Variants in LAPTM4B observed in about 807,000 individuals in gnomAD.
The protein encoded by LAPTM4B is lysosomal protein transmembrane 4 beta.
Under a neutral mutation model 28.5 loss-of-function variants are expected in LAPTM4B, and 26 were observed. That is an observed-to-expected ratio of 0.91 (90% confidence interval 0.67 to 1.27). The LOEUF (loss-of-function observed/expected upper bound fraction) is 1.27, where lower values mean the gene tolerates loss of function less well. Among genes scored for constraint, LAPTM4B ranks in the 50% most tolerant of loss-of-function variants. LAPTM4B has a pLI of 0.00. For synonymous variants in LAPTM4B, 109 were observed against 106.4 expected (o/e 1.02, Z -0.15); for missense variants, 288 against 285.8 (o/e 1.01, Z -0.06).
chr8:97,823,768 G>A (rs1326117002), intron 5 of LAPTM4B, among the ~76,000 whole-genome samples: 1 of 150,262 alleles, frequency 6.7e-6, no homozygotes, highest in East Asian at 1.9e-4. Flanking sequence ...CACGATCTTG[G>A]CTCACTGCAA....
chr8:97,788,352 GA>G (rs1358583626), intron 1 of LAPTM4B: 1 of 328,864 alleles, frequency 3.0e-6, no homozygotes, highest in Non-Finnish European at 6.1e-6. Context: ...AGTCTTGTGA[GA>G]AGACATGGCA....
intron 4 of LAPTM4B, 82 bp downstream of exon 4, chr8:97,816,262 C>A: frequency 7.7e-7 from 1 of 1,295,730 alleles, no homozygotes; most frequent in Non-Finnish European, 1.0e-6. Flanking sequence ...TAGAGATACA[C>A]AGACATTAAT....
At chr8:97,829,162 T>C (rs1388959324) in intron 6 of LAPTM4B, among the ~76,000 whole-genome samples, 1 of 152,078 alleles carries the variant, frequency 6.6e-6, no homozygotes, top group Non-Finnish European at 1.5e-5. Context: ...TAGCGGGGTT[T>C]GGTAGGGGAG....
chr8:97,840,259 G>A (rs544689238), intron 6 of LAPTM4B, among the ~76,000 whole-genome samples: 1 of 152,248 alleles, frequency 6.6e-6, no homozygotes, highest in East Asian at 1.9e-4. Context: ...CCACTGTATT[G>A]GTATTTTATA....
chr8:97,800,995 C>T (rs746194216), intron 1 of LAPTM4B, among the ~76,000 whole-genome samples: 1 of 152,044 alleles, frequency 6.6e-6, no homozygotes, highest in African/African-American at 2.4e-5. Context: ...CTACGGGACC[C>T]CAGACTCACA....
Position 97,775,948 on chromosome 8 carries a change from A to C in LAPTM4B, c.-62A>C. 6.7e-7 allele frequency: 1 copy of C among 1,498,986 alleles called. No individual in the cohort carries two copies. Among genetic ancestry groups the C allele is most frequent in the Non-Finnish European group, 8.8e-7 (1 of 1,133,762 alleles). The allele number at this position is 1,498,986 out of a possible 1,614,324, so 92.9% of individuals were successfully genotyped here. ...CGGCAGCAGCGGCGCGGCGGGCTCC[A>C]GGCGAGGCGGTCGACGCTCCTGAAA... On this transcript the variant is annotated 5_prime_UTR_variant, in exon 1 of 7. Transcript: ENST00000521545.
Position 97,776,000 on chromosome 8 carries a change from G to A in LAPTM4B, c.-10G>A, listed in dbSNP as rs776766688. 1.3e-6 allele frequency: 2 copies of A among 1,571,024 alleles called. No individual in the cohort carries two copies. The highest frequency in any genetic ancestry group is 1.4e-5 in the African/African-American group (1 of 70,802). ...CTTGCGCGCGCGCTCGCGCCACTGCGCCCGGAGCGATGAAGATGGTCGCGC... is the reference window on the plus strand; with the variant it reads ...CTTGCGCGCGCGCTCGCGCCACTGCACCCGGAGCGATGAAGATGGTCGCGC... On this transcript the variant is annotated 5_prime_UTR_variant, in exon 1 of 7. Coordinates refer to ENST00000521545, the MANE Select transcript of LAPTM4B (RefSeq NM_018407.6).
Position 97,818,870 on chromosome 8 carries a change from GA to G in LAPTM4B, c.409-254del, listed in dbSNP as rs58053654. ...CAGAGAGAAACTCCATCTCAAAAAAGAAAAAAAAAAAAAAAAGGAATGGTTC... is the reference window on the plus strand; with the variant it reads ...CAGAGAGAAACTCCATCTCAAAAAAGAAAAAAAAAAAAAAAGGAATGGTTC... On this transcript the variant is annotated intron_variant, in intron 4 of 6. Coordinates refer to ENST00000521545, the MANE Select transcript of LAPTM4B (RefSeq NM_018407.6). Among the ~76,000 whole-genome samples the G allele has an allele frequency of 8.4e-3, 987 of 117,988 alleles. 7 individuals are homozygous for G. The highest frequency in any genetic ancestry group is 0.026 in the African/African-American group (849 of 32,496). 77.4% of individuals were successfully genotyped at this position (117,988 alleles called of 152,430 possible).
intron 1 of LAPTM4B, among the ~76,000 whole-genome samples, chr8:97,792,013 A>G (rs1328220076): frequency 6.6e-6 from 1 of 152,138 alleles, no homozygotes; most frequent in African/African-American, 2.4e-5. Flanking sequence ...ATTTGGGGGG[A>G]AAAACTTCCA....
At chr8:97,819,847 G>A (rs117653171) in intron 5 of LAPTM4B, among the ~76,000 whole-genome samples, 1 of 144,668 alleles carries the variant, frequency 6.9e-6, no homozygotes, top group Admixed American at 7.5e-5. Context: ...CCATTATCTT[G>A]CCTCAGCCTC....
intron 1 of LAPTM4B, among the ~76,000 whole-genome samples, chr8:97,800,170 A>G (rs1238822704): frequency 6.6e-6 from 1 of 152,166 alleles, no homozygotes; most frequent in East Asian, 1.9e-4. Flanking sequence ...GTTGTAGGCA[A>G]TTAGTAGCTA....
At chr8:97,819,723 T>C (rs1816973063) in intron 5 of LAPTM4B, among the ~76,000 whole-genome samples, 2 of 130,560 alleles carry the variant, frequency 1.5e-5, no homozygotes, top group South Asian at 4.8e-4. Flanking sequence ...TCAAGATAAA[T>C]TTCCTTTTTT....
intron 1 of LAPTM4B, among the ~76,000 whole-genome samples, chr8:97,794,027 T>C (rs1816544682): frequency 6.6e-6 from 1 of 152,208 alleles, no homozygotes; most frequent in African/African-American, 2.4e-5. Flanking sequence ...TTGCCCAGGC[T>C]GGAATGCAAT....
chr8:97,780,012 C>G (rs1473669519), intron 1 of LAPTM4B, among the ~76,000 whole-genome samples: 2 of 141,596 alleles, frequency 1.4e-5, no homozygotes, highest in Non-Finnish European at 3.0e-5. Context: ...GATCACGCCA[C>G]TGCACTCCAG....
intron 6 of LAPTM4B, among the ~76,000 whole-genome samples, chr8:97,850,267 C>T (rs546638952): frequency 1.3e-5 from 2 of 152,032 alleles, no homozygotes; most frequent in South Asian, 4.1e-4. Context: ...GTGCCCTCTG[C>T]CTAGGCAGCT....
intron 6 of LAPTM4B, among the ~76,000 whole-genome samples, chr8:97,849,154 C>T (rs1817478695): frequency 1.3e-5 from 2 of 152,296 alleles, no homozygotes; most frequent in Non-Finnish European, 2.9e-5. Context: ...CTCTTAACTC[C>T]CTACTGGAAT....
intron 1 of LAPTM4B, among the ~76,000 whole-genome samples, chr8:97,802,138 C>T (rs1029087639): frequency 4.6e-5 from 7 of 152,006 alleles, no homozygotes; most frequent in Admixed American, 2.0e-4. Context: ...TCTTGGACCT[C>T]GTGCAAGAAA....
chr8:97,798,900 T>G (rs1285513624), intron 1 of LAPTM4B, among the ~76,000 whole-genome samples: 1 of 152,220 alleles, frequency 6.6e-6, no homozygotes, highest in African/African-American at 2.4e-5. Context: ...CATCCTGCAG[T>G]ACTTTCAGCA....
chr8:97,840,031 C>A (rs533563147), intron 6 of LAPTM4B, among the ~76,000 whole-genome samples: 38 of 152,048 alleles, frequency 2.5e-4, no homozygotes, highest in African/African-American at 9.2e-4. Context: ...GGGATTGTAT[C>A]CCCCTGGAAC....
Sources: allele counts gnomAD v4.1 joint callset (sites outside exome capture counted in the v4.1 genomes callset), GRCh38; gene constraint gnomAD v4.1.1; transcripts MANE v1.5; gene names NCBI Gene and HGNC (gene_info 2026-07-23, HGNC 2026-07-21).